The following SKIC3 variants were observed in gnomAD, a reference collection of about 807,000 sequenced individuals.
The protein encoded by SKIC3 is SKI3 subunit of superkiller complex, also known as superkiller complex protein 3.
At chr5:95,527,774 A>C in the SKIC3 span, among the ~76,000 whole-genome samples, 1 of 152,332 alleles carries the variant, frequency 6.6e-6, no homozygotes, top group East Asian at 1.9e-4. Context: ...AACGAGAATG[A>C]AGTCTAGAAC....
chr5:95,523,740 C>T, the SKIC3 span: 3 of 1,613,706 alleles, frequency 1.9e-6, no homozygotes, highest in Non-Finnish European at 2.5e-6. Context: ...TTTCCTATAA[C>T]ATCCACGAGC....
chr5:95,516,001 T>C, the SKIC3 span, among the ~76,000 whole-genome samples: 4 of 152,116 alleles, frequency 2.6e-5, no homozygotes, highest in Admixed American at 6.6e-5. Context: ...CTGTCTCCCT[T>C]GTGCTCATCC....
the SKIC3 span, chr5:95,469,832 G>C: frequency 6.2e-7 from 1 of 1,614,178 alleles, no homozygotes; most frequent in Non-Finnish European, 8.5e-7. Context: ...AGAACAGCCA[G>C]TGGACAAAAG....
At chr5:95,529,010 A>G in the SKIC3 span, 7 of 1,613,586 alleles carry the variant, frequency 4.3e-6, no homozygotes, top group Non-Finnish European at 4.2e-6. Flanking sequence ...CCTTGACTGC[A>G]TGAAAGAACA....
At chr5:95,543,075 A>G in the SKIC3 span, 6 of 1,328,634 alleles carry the variant, frequency 4.5e-6, no homozygotes, top group Non-Finnish European at 6.2e-6. Flanking sequence ...TTTTTCTTAC[A>G]TGGGGCAAAT....
the SKIC3 span, chr5:95,503,848 T>A: frequency 6.2e-7 from 1 of 1,613,952 alleles, no homozygotes; most frequent in Admixed American, 1.7e-5. Flanking sequence ...CCTTCATGAA[T>A]AAAGCCAATG....
the SKIC3 span, among the ~76,000 whole-genome samples, chr5:95,505,693 A>G: frequency 1.6e-3 from 249 of 152,072 alleles, 2 homozygotes; most frequent in African/African-American, 5.8e-3. Context: ...GGCACCTGTA[A>G]TTCCAGCTAC....
At chr5:95,509,555 A>G in the SKIC3 span, 412 of 1,458,794 alleles carry the variant, frequency 2.8e-4, 8 homozygotes, top group South Asian at 4.5e-3. Context: ...CCTTCCCCTC[A>G]TCTTCCTCCT....
At chr5:95,516,738 C>T in the SKIC3 span, 2 of 1,613,094 alleles carry the variant, frequency 1.2e-6, no homozygotes, top group Admixed American at 1.7e-5. Context: ...AGTCTCACTG[C>T]TTTTTTCAGA....
chr5:95,480,589 T>C, the SKIC3 span, among the ~76,000 whole-genome samples: 1 of 152,138 alleles, frequency 6.6e-6, no homozygotes, highest in African/African-American at 2.4e-5. Flanking sequence ...GCACTGCTGG[T>C]GCAAGTGTAA....
At chr5:95,525,129 T>A in the SKIC3 span, among the ~76,000 whole-genome samples, 1 of 152,146 alleles carries the variant, frequency 6.6e-6, no homozygotes, top group African/African-American at 2.4e-5. Flanking sequence ...AGAGATCACC[T>A]GCCTTGGCCT....
chr5:95,497,566 A>G, the SKIC3 span: 1 of 1,078,984 alleles, frequency 9.3e-7, no homozygotes, highest in Non-Finnish European at 1.4e-6. Context: ...CAATTTATTA[A>G]GTTTAAAACT....
At chr5:95,499,226 G>C in the SKIC3 span, among the ~76,000 whole-genome samples, 4 of 152,116 alleles carry the variant, frequency 2.6e-5, no homozygotes, top group Admixed American at 2.6e-4. Flanking sequence ...GGGTCTAGTG[G>C]GAGGTGATTG....
At chr5:95,517,600 TA>T in the SKIC3 span, among the ~76,000 whole-genome samples, 1 of 152,104 alleles carries the variant, frequency 6.6e-6, no homozygotes, top group Admixed American at 6.6e-5. Flanking sequence ...CGCAAATAAA[TA>T]AATAAGTTTT....
chr5:95,490,790 G>A, the SKIC3 span: 8 of 1,346,578 alleles, frequency 5.9e-6, no homozygotes, highest in South Asian at 1.0e-4. Flanking sequence ...GAGCCACCAT[G>A]CCCGGCCTAA....
At chr5:95,478,470 A>G in the SKIC3 span, 2 of 1,613,398 alleles carry the variant, frequency 1.2e-6, no homozygotes, top group African/African-American at 1.3e-5. Flanking sequence ...AGAAGGAGGC[A>G]AAGGATTTTA....
chr5:95,510,130 G>A, the SKIC3 span, among the ~76,000 whole-genome samples: 16 of 152,130 alleles, frequency 1.1e-4, no homozygotes, highest in Non-Finnish European at 2.1e-4. Context: ...GAAACAGAAG[G>A]TAAGTTTGGT....
At chr5:95,524,712 G>T in the SKIC3 span, 1 of 1,272,354 alleles carries the variant, frequency 7.9e-7, no homozygotes, top group African/African-American at 1.5e-5. Context: ...TGCCAAATTA[G>T]AAACCAATCA....
At chr5:95,522,990 T>C in the SKIC3 span, among the ~76,000 whole-genome samples, 24 of 152,126 alleles carry the variant, frequency 1.6e-4, no homozygotes, top group South Asian at 4.1e-4. Flanking sequence ...AAGACTTCAA[T>C]TCACTAATCT....
Sources: allele counts gnomAD v4.1 joint callset (sites outside exome capture counted in the v4.1 genomes callset), GRCh38; gene constraint gnomAD v4.1.1; transcripts MANE v1.5; gene names NCBI Gene and HGNC (gene_info 2026-07-23, HGNC 2026-07-21).